HIPK2: variants seen among roughly 807,000 people sequenced by gnomAD.
HIPK2 encodes homeodomain interacting protein kinase 2.
In HIPK2, 27 loss-of-function variants were observed where a neutral mutation model predicts 113.7. The observed-to-expected ratio is 0.24, with a 90% CI of 0.17 to 0.33. The LOEUF (loss-of-function observed/expected upper bound fraction) is 0.33, where lower values mean the gene tolerates loss of function less well. HIPK2 is among the 10% of genes least tolerant of loss of function. The probability of loss-of-function intolerance (pLI) is 1.00; values close to 1 mark genes in which losing one functional copy is unlikely to be tolerated. For synonymous variants in HIPK2, 631 were observed against 642.2 expected (o/e 0.98, Z 0.26); for missense variants, 1,257 against 1,588.0 (o/e 0.79, Z 3.54).
rs1388083653 is a variant in HIPK2 at position 139,563,624 on chromosome 7, TG to T, written c.*9302del. 2.5e-6 allele frequency: 1 copy of T among 392,880 alleles called. No homozygotes were observed. The highest frequency in any genetic ancestry group is 2.1e-5 in the African/African-American group (1 of 48,516). The allele number at this position is 392,880 out of a possible 1,614,324, so 24.3% of individuals were successfully genotyped here. On this transcript the variant is annotated 3_prime_UTR_variant, in exon 15 of 15. Transcript: ENST00000406875. The stretch of plus-strand genomic sequence containing the variant: ...ACACAAAATTCATTTGGTTAATTCA[TG>T]TAAAGGAAAAAACAGCAACACCACC...
rs932301444 is a variant in HIPK2, at chr7:139,622,259, T to C, written c.1620-1696A>G. ...GCGTCATGCACACGACATAACCATT[T>C]ACGGACTGATGATGCTGAAGAGAAA... On this transcript the variant is annotated intron_variant, in intron 6 of 14. Coordinates refer to ENST00000406875, the MANE Select transcript of HIPK2 (RefSeq NM_022740.5). Among the ~76,000 whole-genome samples the C allele has an allele frequency of 2.0e-5, 3 of 152,182 alleles. No homozygotes were observed. The East Asian group carries it at 5.8e-4, about 29-fold the overall frequency.
intron 1 of HIPK2, among the ~76,000 whole-genome samples, chr7:139,774,938 T>A (rs1796715542): frequency 6.6e-6 from 1 of 152,230 alleles, no homozygotes; most frequent in Non-Finnish European, 1.5e-5. Context: ...CTGATTCTCT[T>A]TGCCACCCAT....
chr7:139,679,212 GT>G (rs1443505618), intron 2 of HIPK2, among the ~76,000 whole-genome samples: 1 of 152,156 alleles, frequency 6.6e-6, no homozygotes, highest in African/African-American at 2.4e-5. Flanking sequence ...AATAGGCGTG[GT>G]GAGAGAGGGC....
chr7:139,570,959 G>A lies in HIPK2; in HGVS notation c.*1968C>T, dbSNP rs1379124263. On this transcript the variant is annotated 3_prime_UTR_variant, in exon 15 of 15. Coordinates refer to ENST00000406875, the MANE Select transcript of HIPK2 (RefSeq NM_022740.5). ...CCACTTCTCCACACCTCCATCCCCA[G>A]AAGTGTCCAAAGCCTGAGAAAACTT... 2.0e-5 allele frequency: 3 copies of A among 152,208 alleles called. No homozygotes were observed. The highest frequency in any genetic ancestry group is 4.4e-5 in the Non-Finnish European group (3 of 68,048). The allele number at this position is 152,208 out of a possible 1,614,324, so 9.4% of individuals were successfully genotyped here.
At chr7:139,675,368 A>T (rs966418395) in intron 2 of HIPK2, among the ~76,000 whole-genome samples, 6 of 152,080 alleles carry the variant, frequency 3.9e-5, no homozygotes, top group Non-Finnish European at 8.8e-5. Context: ...ACCAGAGGAC[A>T]GCATATGAAA....
Position 139,565,573 on chromosome 7 carries a change from C to T in HIPK2, c.*7354G>A, listed in dbSNP as rs1233680889. 1.3e-5 allele frequency: 2 copies of T among 152,186 alleles called. No homozygotes were observed. The highest frequency in any genetic ancestry group is 1.5e-5 in the Non-Finnish European group (1 of 68,038). The allele number at this position is 152,186 out of a possible 1,614,324, so 9.4% of individuals were successfully genotyped here. ...TAATCTCATACCAGGGCAAGAGACA[C>T]GCCTTCCTTTTATCATGAAAGCTGG... On this transcript the variant is annotated 3_prime_UTR_variant, in exon 15 of 15. Transcript: ENST00000406875.
chr7:139,748,507 A>G (rs368542740), intron 1 of HIPK2, among the ~76,000 whole-genome samples: 22 of 151,170 alleles, frequency 1.5e-4, no homozygotes, highest in African/African-American at 4.4e-4. Context: ...CCTCTCTCCT[A>G]GTTTCCGGTG....
intron 1 of HIPK2, among the ~76,000 whole-genome samples, chr7:139,738,231 G>T (rs1386007373): frequency 2.0e-5 from 3 of 152,232 alleles, no homozygotes; most frequent in Non-Finnish European, 4.4e-5. Flanking sequence ...TAAAAATATT[G>T]TATCAGTGTT....
chr7:139,704,136 C>CCCA, intron 2 of HIPK2, among the ~76,000 whole-genome samples: 1 of 131,924 alleles, frequency 7.6e-6, no homozygotes, highest in African/African-American at 2.9e-5. Flanking sequence ...ACACACCACA[C>CCCA]ACACACACCA....
chr7:139,744,845 G>A (rs1796164304), intron 1 of HIPK2, among the ~76,000 whole-genome samples: 1 of 152,176 alleles, frequency 6.6e-6, no homozygotes, highest in Non-Finnish European at 1.5e-5. Context: ...AAGCTAACCA[G>A]CAACTGCAGA....
At position 139,635,739 on chromosome 7, in the gene HIPK2, A is replaced by C. The variant is rs6956004; in HGVS notation, c.1104-4014T>G. Among the ~76,000 whole-genome samples the C allele has an allele frequency of 6.6e-3, 1,012 of 152,302 alleles. 16 individuals carry two copies. The highest frequency in any genetic ancestry group is 0.023 in the African/African-American group (959 of 41,558). Reference sequence around the variant, plus strand: ...CGAAAGCCACATCAAAGCACACAGGACAACTCGAGTCGAATACAAAACGTG... The same window carrying C: ...CGAAAGCCACATCAAAGCACACAGGCCAACTCGAGTCGAATACAAAACGTG... On this transcript the variant is annotated intron_variant, in intron 2 of 14. Coordinates refer to ENST00000406875, the MANE Select transcript of HIPK2 (RefSeq NM_022740.5).
Position 139,737,303 on chromosome 7 carries a change from G to A in HIPK2, c.20-20288C>T, listed in dbSNP as rs972228603. Among the ~76,000 whole-genome samples, 5 of 152,228 alleles carry A rather than the reference G, an allele frequency of 3.3e-5. No individual in the cohort carries two copies. The East Asian group carries it at 7.7e-4, about 23-fold the overall frequency. On this transcript the variant is annotated intron_variant, in intron 1 of 14. Coordinates refer to ENST00000406875, the MANE Select transcript of HIPK2 (RefSeq NM_022740.5). ...GAAAGGATACAAGAATAATAAGCCC[G>A]TTGATTTCTTGTTTCCCAGCTTTTA...
intron 1 of HIPK2, among the ~76,000 whole-genome samples, chr7:139,768,446 GT>G (rs916605809): frequency 2.0e-5 from 3 of 150,022 alleles, no homozygotes; most frequent in Non-Finnish European, 3.0e-5. Context: ...TGGGAAATCA[GT>G]TTTTTTTTTA....
intron 1 of HIPK2, among the ~76,000 whole-genome samples, chr7:139,722,574 C>G (rs1192237583): frequency 6.6e-6 from 1 of 152,126 alleles, no homozygotes; most frequent in Non-Finnish European, 1.5e-5. Context: ...ATCTGCTATT[C>G]CTCAGGATTC....
At chr7:139,708,111 G>A (rs770869731) in intron 2 of HIPK2, among the ~76,000 whole-genome samples, 4 of 152,128 alleles carry the variant, frequency 2.6e-5, no homozygotes, top group South Asian at 2.1e-4. Context: ...CTGTCATGCC[G>A]GCCGCACCCT....
At chr7:139,728,503 T>C (rs1795658157) in intron 1 of HIPK2, among the ~76,000 whole-genome samples, 1 of 152,182 alleles carries the variant, frequency 6.6e-6, no homozygotes. Flanking sequence ...CTTCACATCA[T>C]CTTCCCTCTG....
At chr7:139,576,337 T>C (rs986453241) in intron 13 of HIPK2, among the ~76,000 whole-genome samples, 2 of 152,186 alleles carry the variant, frequency 1.3e-5, no homozygotes, top group Non-Finnish European at 2.9e-5. Flanking sequence ...AGTTCTCAAA[T>C]GTAATTCCTG....
intron 1 of HIPK2, among the ~76,000 whole-genome samples, chr7:139,748,332 T>C (rs1796225337): frequency 6.6e-6 from 1 of 152,146 alleles, no homozygotes; most frequent in Non-Finnish European, 1.5e-5. Flanking sequence ...TGTTTTTCCA[T>C]GGGCCCTACG....
chr7:139,676,075 C>T (rs180948777), intron 2 of HIPK2, among the ~76,000 whole-genome samples: 15 of 152,326 alleles, frequency 9.8e-5, no homozygotes, highest in Middle Eastern at 3.4e-3. Flanking sequence ...GGTAACTGCG[C>T]TCATTTTTGT....
Sources: gnomAD v4.1 joint callset for allele counts (sites outside exome capture counted in the v4.1 genomes callset) on GRCh38, gnomAD v4.1.1 for gene constraint, MANE v1.5 for transcripts, NCBI Gene and HGNC (gene_info 2026-07-23, HGNC 2026-07-21) for gene names.